Variants in PFKFB3 observed in about 807,000 individuals in gnomAD.
PFKFB3 encodes the protein 6-phosphofructo-2-kinase/fructose-2,6-biphosphatase 3.
PFKFB3 carries 33 observed loss-of-function variants against 68.0 expected under a neutral mutation model. That is an observed-to-expected ratio of 0.49 (90% CI 0.37 to 0.65). PFKFB3 has a LOEUF of 0.65. PFKFB3 is among the 30% of genes least tolerant of loss of function. PFKFB3 has a pLI of 0.00. For missense variants in PFKFB3, 586 were observed against 712.2 expected, an observed-to-expected ratio of 0.82 and a Z score of 2.02; for synonymous variants, 315 against 288.2, an observed-to-expected ratio of 1.09 and a Z score of -0.94.
At chr10:6,296,741 G>A in the PFKFB3 span, among the ~76,000 whole-genome samples, 1 of 152,202 alleles carries the variant, frequency 6.6e-6, no homozygotes, top group Non-Finnish European at 1.5e-5. Context: ...TAATTAGCAT[G>A]TAATGAGCAG....
chr10:6,228,408 C>G lies in PFKFB3; in HGVS notation c.1515+2043C>G. 1 of 671,072 alleles carries G rather than the reference C, an allele frequency of 1.5e-6. No homozygotes were observed. The highest frequency in any genetic ancestry group is 2.7e-5 in the East Asian group (1 of 36,572). 41.6% of individuals were successfully genotyped at this position (671,072 alleles called of 1,614,324 possible). A position where few individuals can be genotyped will look rare whatever the true frequency, so the allele number is the denominator to read the frequency against. Reference sequence around the variant, plus strand: ...GAATGTTTTTGGAAAAGCGTGCAGGCGGTCATGGTGGCTGCACTACTGTTG... The same window carrying G: ...GAATGTTTTTGGAAAAGCGTGCAGGGGGTCATGGTGGCTGCACTACTGTTG... On this transcript the variant is annotated intron_variant, in intron 14 of 14. Coordinates refer to ENST00000379775, the MANE Select transcript of PFKFB3 (RefSeq NM_004566.4). This position sits in a 1 kb window ranked among gnomAD's most constrained non-coding sequence, Gnocchi z 4.5.
chr10:6,175,266 C>T (rs1392947342), intron 1 of PFKFB3, among the ~76,000 whole-genome samples: 2 of 152,222 alleles, frequency 1.3e-5, no homozygotes, highest in Non-Finnish European at 2.9e-5. Flanking sequence ...GAGATTGCAT[C>T]TCTCAGTCTT....
chr10:6,231,373 G>T, intron 14 of PFKFB3: 23 of 1,608,838 alleles, frequency 1.4e-5, no homozygotes, highest in Non-Finnish European at 2.0e-5. Context: ...CTGGGTCTGT[G>T]TGCAGACTGG....
At chr10:6,196,577 G>A (rs1843181341) in intron 1 of PFKFB3, among the ~76,000 whole-genome samples, 1 of 152,120 alleles carries the variant, frequency 6.6e-6, no homozygotes, top group Non-Finnish European at 1.5e-5. Flanking sequence ...GATGTTTGAG[G>A]GCAGGAAGCA....
chr10:6,159,041 T>A (rs1245738706), intron 1 of PFKFB3, among the ~76,000 whole-genome samples: 1 of 152,112 alleles, frequency 6.6e-6, no homozygotes. Flanking sequence ...CAAGGCAATA[T>A]TATAAATAAG....
chr10:6,225,017 C>T (rs1013210406), intron 13 of PFKFB3: 50 of 420,080 alleles, frequency 1.2e-4, no homozygotes, highest in Non-Finnish European at 2.0e-4. Flanking sequence ...CAGGAGACCT[C>T]GAGGCCTGGC....
At chr10:6,183,226 A>G (rs566113171) in intron 1 of PFKFB3, among the ~76,000 whole-genome samples, 15 of 152,310 alleles carry the variant, frequency 9.8e-5, no homozygotes, top group African/African-American at 3.6e-4. Flanking sequence ...ACAGCTGCGG[A>G]ATGGCTTGTC....
intron 1 of PFKFB3, among the ~76,000 whole-genome samples, chr10:6,210,195 TGTGA>T (rs1446293764): frequency 8.4e-6 from 1 of 119,734 alleles, no homozygotes; most frequent in African/African-American, 2.6e-5. Context: ...TGAGATGTGC[TGTGA>T]GTTTTTAAAA....
the PFKFB3 span, among the ~76,000 whole-genome samples, chr10:6,288,460 T>C: frequency 6.6e-6 from 1 of 150,888 alleles, no homozygotes; most frequent in Non-Finnish European, 1.5e-5. Context: ...GGTGTTTGGT[T>C]TTTTGTCCTT....
At chr10:6,253,104 GA>G (rs1250445605) in intron 14 of PFKFB3, among the ~76,000 whole-genome samples, 1 of 152,118 alleles carries the variant, frequency 6.6e-6, no homozygotes, top group Non-Finnish European at 1.5e-5. Flanking sequence ...ATTTTTAGTA[GA>G]GACGGGGTTT....
At chr10:6,319,471 TAGAA>T in the PFKFB3 span, among the ~76,000 whole-genome samples, 1 of 152,022 alleles carries the variant, frequency 6.6e-6, no homozygotes, top group Non-Finnish European at 1.5e-5. Flanking sequence ...CACATGGACA[TAGAA>T]AGTAAAATAA....
At chr10:6,177,429 CTT>C (rs368351485) in intron 1 of PFKFB3, among the ~76,000 whole-genome samples, 249 of 51,288 alleles carry the variant, frequency 4.9e-3, no homozygotes, top group Middle Eastern at 8.9e-3. Flanking sequence ...TTCTTCCTTT[CTT>C]TTCTTTCTCT....
intron 1 of PFKFB3, among the ~76,000 whole-genome samples, chr10:6,211,351 C>T (rs548405103): frequency 6.6e-6 from 1 of 152,322 alleles, no homozygotes; most frequent in East Asian, 1.9e-4. Context: ...AAATATTCTG[C>T]GTATGTGCAC....
chr10:6,291,515 G>A, the PFKFB3 span, among the ~76,000 whole-genome samples: 1 of 148,022 alleles, frequency 6.8e-6, no homozygotes, highest in Non-Finnish European at 1.5e-5. Context: ...TTGTGCCGCT[G>A]CACTCCAGCC....
the PFKFB3 span, among the ~76,000 whole-genome samples, chr10:6,292,278 CTTTTTTTTTTTTTTTT>C: frequency 2.8e-4 from 15 of 54,306 alleles, no homozygotes; most frequent in Middle Eastern, 0.019. Flanking sequence ...TTTTTTTTTT[CTTTTTTTTTTTTTTTT>C]TTTTTTTTGA....
the PFKFB3 span, among the ~76,000 whole-genome samples, chr10:6,297,860 A>G: frequency 6.6e-6 from 1 of 152,038 alleles, no homozygotes; most frequent in African/African-American, 2.4e-5. Context: ...CTAGTCTTGT[A>G]TAACACCTTG....
At position 6,228,372 on chromosome 10, in the gene PFKFB3, G is replaced by A; in HGVS notation, c.1515+2007G>A. The A allele has an allele frequency of 2.5e-6, 2 of 802,048 alleles. No homozygotes were observed. Among genetic ancestry groups the A allele is most frequent in the Non-Finnish European group, 4.2e-6 (2 of 471,622 alleles). 49.7% of individuals were successfully genotyped at this position (802,048 alleles called of 1,614,324 possible). On this transcript the variant is annotated intron_variant, in intron 14 of 14. Transcript: ENST00000379775. The surrounding 1 kb of genome is among the most constrained non-coding windows in gnomAD (Gnocchi z 4.5). Reference sequence around the variant, plus strand: ...AGGAGATGGGCGTAGGAGTAGGGAGGAGAGATTCCTGAATGTTTTTGGAAA... The same window carrying A: ...AGGAGATGGGCGTAGGAGTAGGGAGAAGAGATTCCTGAATGTTTTTGGAAA...
intron 1 of PFKFB3, among the ~76,000 whole-genome samples, chr10:6,177,153 T>C (rs1331218164): frequency 2.0e-5 from 3 of 152,220 alleles, no homozygotes; most frequent in Non-Finnish European, 4.4e-5. Flanking sequence ...GTGTGGCAGA[T>C]TCCTTAGCTC....
At chr10:6,187,198 T>TAACAAAAAAAAA (rs1554844289) in intron 1 of PFKFB3, among the ~76,000 whole-genome samples, 8 of 142,104 alleles carry the variant, frequency 5.6e-5, no homozygotes, top group African/African-American at 1.5e-4. Context: ...CTGTTTCTAC[T>TAACAAAAAAAAA]AAAAAAAAAA....
Sources: gnomAD v4.1 joint callset for allele counts (sites outside exome capture counted in the v4.1 genomes callset) on GRCh38, gnomAD v4.1.1 for gene constraint, Gnocchi (gnomAD v3.1) non-coding constraint, MANE v1.5 for transcripts, NCBI Gene and HGNC (gene_info 2026-07-23, HGNC 2026-07-21) for gene names.